Variants in OPCML observed in about 807,000 individuals in gnomAD.
OPCML encodes opioid binding protein/cell adhesion molecule like, also known as opioid-binding protein/cell adhesion molecule.
Under a neutral mutation model 37.8 loss-of-function variants are expected in OPCML, and 13 were observed. The ratio of observed to expected loss-of-function variants is 0.34; its 90% CI spans 0.22 to 0.55. The LOEUF is 0.55. Ranked by LOEUF, OPCML falls within the 20% of genes least tolerant of loss-of-function variation. OPCML has a pLI of 0.91. For missense variants in OPCML, 341 were observed against 435.6 expected, an observed-to-expected ratio of 0.78 and a Z score of 1.93; for synonymous variants, 176 against 168.8, an observed-to-expected ratio of 1.04 and a Z score of -0.33.
At chr11:132,996,618 C>CAA (rs11285711) in intron 1 of OPCML, among the ~76,000 whole-genome samples, 2,192 of 123,318 alleles carry the variant, frequency 0.018, 63 homozygotes, top group African/African-American at 0.056. Flanking sequence ...GGCTCCATCT[C>CAA]AAAAAAAAAA....
intron 2 of OPCML, among the ~76,000 whole-genome samples, chr11:132,714,629 T>C (rs1475733737): frequency 6.6e-6 from 1 of 152,218 alleles, no homozygotes; most frequent in Admixed American, 6.5e-5. Flanking sequence ...TAGTTGGTTA[T>C]GTTGGTGCCA....
rs1329344132 is a variant in OPCML at position 132,504,243 on chromosome 11, G to T, written c.505+24818C>A. On this transcript the variant is annotated intron_variant, in intron 4 of 7. Coordinates refer to ENST00000524381, the MANE Select transcript of OPCML (RefSeq NM_001012393.5). ...TTTATGAAACAAAGATTTCAAAGAA[G>T]ACAAGAAGTAAGTACACGCCTCCAT... 2.0e-5 allele frequency among the ~76,000 whole-genome samples: 3 copies of T among 152,102 alleles called. No individual in the cohort carries two copies. The East Asian group carries it at 5.8e-4, about 29-fold the overall frequency.
intron 1 of OPCML, among the ~76,000 whole-genome samples, chr11:132,986,152 A>G (rs1171328437): frequency 6.6e-6 from 1 of 152,208 alleles, no homozygotes; most frequent in Non-Finnish European, 1.5e-5. Context: ...GGAAATACCC[A>G]TAAAACCTCC....
At chr11:133,314,197 T>C (rs1486547912) in intron 1 of OPCML, among the ~76,000 whole-genome samples, 31 of 116,256 alleles carry the variant, frequency 2.7e-4, no homozygotes, top group Admixed American at 9.1e-4. Context: ...ATCGCGCCAC[T>C]GCACTCCAGC....
chr11:132,957,777 G>C (rs1946002757), intron 1 of OPCML, among the ~76,000 whole-genome samples: 1 of 152,044 alleles, frequency 6.6e-6, no homozygotes, highest in Admixed American at 6.6e-5. Flanking sequence ...TATTTTAATT[G>C]TTTTGGGGCA....
intron 1 of OPCML, among the ~76,000 whole-genome samples, chr11:133,042,933 G>A (rs1947934221): frequency 6.6e-6 from 1 of 152,120 alleles, no homozygotes; most frequent in South Asian, 2.1e-4. Flanking sequence ...TAGGGGACGA[G>A]ATTAGCAGAG....
intron 1 of OPCML, among the ~76,000 whole-genome samples, chr11:133,284,343 C>G (rs1942240882): frequency 6.6e-6 from 1 of 152,234 alleles, no homozygotes; most frequent in African/African-American, 2.4e-5. Flanking sequence ...ACGAGAATCA[C>G]AGCAGGTCTT....
chr11:132,775,262 A>G (rs1367777016), intron 2 of OPCML, among the ~76,000 whole-genome samples: 1 of 152,192 alleles, frequency 6.6e-6, no homozygotes, highest in African/African-American at 2.4e-5. Context: ...AGCTACTTGT[A>G]GTTGGAGCTT....
In OPCML at chr11:133,208,820, T is replaced by C. The variant is rs762482223; in HGVS notation, c.62-265810A>G. Among the ~76,000 whole-genome samples the C allele has an allele frequency of 6.6e-5, 10 of 152,176 alleles. No individual in the cohort carries two copies. The highest frequency in any genetic ancestry group is 1.3e-4 in the Non-Finnish European group (9 of 68,032). ...GCTGGAGTGAAGATATAAGACTTCA[T>C]TCCCTATAAATCACGCTATTCCATG... On this transcript the variant is annotated intron_variant, in intron 1 of 7. Transcript: ENST00000524381. This position sits in a 1 kb window ranked among gnomAD's most constrained non-coding sequence, Gnocchi z 8.9.
Position 132,436,658 on chromosome 11 carries a change from C to T in OPCML, c.764+1G>A. The T allele has an allele frequency of 6.2e-7, 1 of 1,614,136 alleles. No individual in the cohort carries two copies. The highest frequency in any genetic ancestry group is 8.5e-7 in the Non-Finnish European group (1 of 1,179,986). ...CTGTCCAGGTGTCATTTAAAAGGTACCTGGTTTCTTCCTTGAACCACTGGA... is the reference window on the plus strand; with the variant it reads ...CTGTCCAGGTGTCATTTAAAAGGTATCTGGTTTCTTCCTTGAACCACTGGA... On this transcript the variant is annotated splice_donor_variant, in intron 6 of 7. Transcript: ENST00000524381. LOFTEE classifies it high-confidence loss of function.
intron 1 of OPCML, among the ~76,000 whole-genome samples, chr11:133,011,112 A>T (rs1343145185): frequency 1.3e-5 from 2 of 152,356 alleles, no homozygotes; most frequent in South Asian, 4.1e-4. Flanking sequence ...GAAAATAAGA[A>T]TCTGGCAGGG....
chr11:133,092,738 AAAAC>A (rs1948927274), intron 1 of OPCML, among the ~76,000 whole-genome samples: 1 of 152,152 alleles, frequency 6.6e-6, no homozygotes, highest in African/African-American at 2.4e-5. Context: ...CAAACAAACA[AAAAC>A]AAAACTCAAG....
intron 2 of OPCML, among the ~76,000 whole-genome samples, chr11:132,928,693 A>T (rs986136305): frequency 7.2e-5 from 11 of 152,192 alleles, no homozygotes; most frequent in Middle Eastern, 3.4e-3. Flanking sequence ...GACATAAAAC[A>T]TTCTTCAGGA....
chr11:133,386,418 G>A (rs764887417), intron 1 of OPCML, among the ~76,000 whole-genome samples: 8 of 152,082 alleles, frequency 5.3e-5, no homozygotes, highest in Non-Finnish European at 8.8e-5. Flanking sequence ...ACAATTTGAG[G>A]GAAAGATAAG....
intron 1 of OPCML, among the ~76,000 whole-genome samples, chr11:133,137,215 G>A (rs1949705750): frequency 6.6e-6 from 1 of 152,118 alleles, no homozygotes; most frequent in African/African-American, 2.4e-5. Flanking sequence ...TTTTATTAAT[G>A]ATTTCAAGTG....
intron 1 of OPCML, among the ~76,000 whole-genome samples, chr11:133,202,490 C>T (rs183678373): frequency 9.0e-4 from 137 of 152,300 alleles, no homozygotes; most frequent in African/African-American, 3.2e-3. Context: ...TCATATATCC[C>T]TTCCCAACAC....
At chr11:133,059,282 C>T (rs565123483) in intron 1 of OPCML, among the ~76,000 whole-genome samples, 27 of 152,316 alleles carry the variant, frequency 1.8e-4, no homozygotes, top group East Asian at 1.9e-4. Context: ...AAAGGATCTG[C>T]GGATTCTTTC....
chr11:133,314,172 T>C (rs1232354594), intron 1 of OPCML, among the ~76,000 whole-genome samples: 6 of 134,934 alleles, frequency 4.4e-5, no homozygotes, highest in East Asian at 2.2e-4. Flanking sequence ...GAGTCGGAGC[T>C]TGCAGTGAGC....
At chr11:132,584,876 A>G (rs1300117011) in intron 3 of OPCML, among the ~76,000 whole-genome samples, 1 of 152,252 alleles carries the variant, frequency 6.6e-6, no homozygotes. Flanking sequence ...GACAGAAAAC[A>G]GAAAGTAGCA....
Sources: gnomAD v4.1 joint callset for allele counts (sites outside exome capture counted in the v4.1 genomes callset) on GRCh38, gnomAD v4.1.1 for gene constraint, Gnocchi (gnomAD v3.1) non-coding constraint, MANE v1.5 for transcripts, NCBI Gene and HGNC (gene_info 2026-07-23, HGNC 2026-07-21) for gene names.